Variants in NELL2 observed in about 807,000 individuals in gnomAD.
NELL2 encodes the protein neural EGFL like 2.
In NELL2, 41 loss-of-function variants were observed where a neutral mutation model predicts 109.6. The ratio of observed to expected loss-of-function variants is 0.37; its 90% CI spans 0.29 to 0.49. The LOEUF (loss-of-function observed/expected upper bound fraction) is 0.49, where lower values mean the gene tolerates loss of function less well. Ranked by LOEUF, NELL2 falls within the 20% of genes least tolerant of loss-of-function variation. The probability of loss-of-function intolerance (pLI) is 0.98; values close to 1 mark genes in which losing one functional copy is unlikely to be tolerated. For missense variants in NELL2, 900 were observed against 1,008.3 expected (o/e 0.89, Z 1.45); for synonymous variants, 355 against 344.7 (o/e 1.03, Z -0.33).
At chr12:44,791,628 G>C (rs1436521363) in intron 3 of NELL2, among the ~76,000 whole-genome samples, 1 of 139,424 alleles carries the variant, frequency 7.2e-6, no homozygotes, top group Non-Finnish European at 1.5e-5. Flanking sequence ...ATGGAGTTTT[G>C]AAAAACAAAA....
intron 2 of NELL2, among the ~76,000 whole-genome samples, chr12:44,820,183 G>A (rs1197414484): frequency 1.3e-5 from 2 of 152,070 alleles, no homozygotes; most frequent in African/African-American, 2.4e-5. Flanking sequence ...ATATTTAAAC[G>A]TATTGTTCCC....
intron 1 of NELL2, among the ~76,000 whole-genome samples, chr12:44,890,806 C>T (rs1052848721): frequency 6.6e-6 from 1 of 152,068 alleles, no homozygotes; most frequent in Non-Finnish European, 1.5e-5. Flanking sequence ...TCTTGGCTCA[C>T]CGCAATCTCC....
rs753441422 is a variant in NELL2 at position 44,711,363 on chromosome 12, C to T, written c.1118G>A (p.Gly373Asp). 2 of 1,612,464 alleles carry T rather than the reference C, an allele frequency of 1.2e-6. No homozygotes were observed. The highest frequency in any genetic ancestry group is 1.1e-5 in the South Asian group (1 of 91,056). The stretch of plus-strand genomic sequence containing the variant: ...CTCTGGACAATCCAAAGCTGGACAG[C>T]CTGAACTCTCAACAAGTTTCATGGT... ...DQTMKLVESS[G>D]CPALDCPESH... The change falls in exon 11 of 20, where the codon GGC (glycine) becomes GAC (aspartate). Residue 373 changes from glycine to aspartate, a missense_variant. Physicochemically the swap from Gly to Asp is moderately conservative, Grantham distance 94. Coordinates refer to ENST00000429094, the MANE Select transcript of NELL2 (RefSeq NM_001145108.2).
intron 12 of NELL2, among the ~76,000 whole-genome samples, 181 bp from the exon 13 acceptor site, chr12:44,665,790 T>C (rs1042280386): frequency 2.0e-5 from 3 of 152,242 alleles, no homozygotes; most frequent in Non-Finnish European, 4.4e-5. Flanking sequence ...TGAGTTTTTT[T>C]CCAACAGCTC....
In NELL2 at chr12:44,810,584, GGAATAATTA is replaced by G. The variant is rs543222109; in HGVS notation, c.335+5393_335+5401del. Among the ~76,000 whole-genome samples, 56 of 152,180 alleles carry G rather than the reference GGAATAATTA, an allele frequency of 3.7e-4. 1 individual carries two copies. The East Asian group carries it at 0.01, about 27-fold the overall frequency. On this transcript the variant is annotated intron_variant, in intron 3 of 19. Coordinates refer to ENST00000429094, the MANE Select transcript of NELL2 (RefSeq NM_001145108.2). The stretch of plus-strand genomic sequence containing the variant: ...TTTTGTAGCATCTGCTGATTTCCAT[GGAATAATTA>G]CTCATACCATGGCCTATTTCAAGCT...
chr12:44,559,350 G>A (rs1220542400), intron 15 of NELL2, among the ~76,000 whole-genome samples: 1 of 152,116 alleles, frequency 6.6e-6, no homozygotes, highest in African/African-American at 2.4e-5. Context: ...AATGTAAATA[G>A]GTTAAATGCC....
intron 15 of NELL2, among the ~76,000 whole-genome samples, chr12:44,587,775 T>C (rs1944579970): frequency 6.6e-6 from 1 of 152,206 alleles, no homozygotes; most frequent in Admixed American, 6.5e-5. Context: ...CCTTAGCTTT[T>C]GTGCACCTCA....
At chr12:44,569,411 G>A (rs962003084) in intron 15 of NELL2, among the ~76,000 whole-genome samples, 7 of 152,082 alleles carry the variant, frequency 4.6e-5, no homozygotes, top group African/African-American at 1.7e-4. Context: ...TAATGAGATT[G>A]CTGGGTCAAA....
chr12:44,666,230 C>A (rs557970085), intron 12 of NELL2, among the ~76,000 whole-genome samples: 51 of 152,158 alleles, frequency 3.4e-4, no homozygotes, highest in Non-Finnish European at 6.0e-4. Context: ...TGGTAATTCA[C>A]ACACTGAGTT....
rs190877036 is a variant in NELL2, at chr12:44,630,990, A to C, written c.1445-20020T>G. On this transcript the variant is annotated intron_variant, in intron 13 of 19. Transcript: ENST00000429094. ...TCTTCTTCTAGTTTACCCAAATTCTATCTCTCCTGAAATGTACTCTACATT... is the reference window on the plus strand; with the variant it reads ...TCTTCTTCTAGTTTACCCAAATTCTCTCTCTCCTGAAATGTACTCTACATT... Among the ~76,000 whole-genome samples the C allele has an allele frequency of 2.6e-3, 400 of 152,008 alleles. 3 individuals are homozygous for C. The highest frequency in any genetic ancestry group is 8.7e-3 in the African/African-American group (361 of 41,462).
chr12:44,729,546 G>A (rs1939254666), intron 9 of NELL2, among the ~76,000 whole-genome samples: 1 of 136,668 alleles, frequency 7.3e-6, no homozygotes, highest in South Asian at 2.4e-4. Flanking sequence ...TCAAAAGACA[G>A]AGAACAGCTG....
chr12:44,743,479 A>G (rs550254589), intron 9 of NELL2, among the ~76,000 whole-genome samples: 4 of 148,152 alleles, frequency 2.7e-5, no homozygotes, highest in South Asian at 2.2e-4. Flanking sequence ...AATGGGCTAA[A>G]TGCCCCAATT....
intron 2 of NELL2, among the ~76,000 whole-genome samples, chr12:44,825,639 G>C (rs565736903): frequency 6.7e-6 from 1 of 149,756 alleles, no homozygotes. Flanking sequence ...CAGGTGATCC[G>C]ACTGCCTCGG....
chr12:44,778,309 T>C (rs1941827373), intron 5 of NELL2, among the ~76,000 whole-genome samples: 1 of 152,176 alleles, frequency 6.6e-6, no homozygotes, highest in African/African-American at 2.4e-5. Flanking sequence ...GATAAATATT[T>C]AAGTATTTTT....
chr12:44,756,566 C>T (rs2136538893), intron 9 of NELL2, among the ~76,000 whole-genome samples: 1 of 152,188 alleles, frequency 6.6e-6, no homozygotes, highest in South Asian at 2.1e-4. Context: ...ACCAAAAATG[C>T]TTTAAAAAAG....
Position 44,913,827 on chromosome 12 carries a change from T to A in NELL2, c.10A>T (p.Arg4Ter), listed in dbSNP as rs887190509. The A allele has an allele frequency of 2.5e-6, 2 of 806,744 alleles. No homozygotes were observed. The highest frequency in any genetic ancestry group is 3.8e-6 in the Non-Finnish European group (2 of 529,276). 50.0% of individuals were successfully genotyped at this position (806,744 alleles called of 1,614,324 possible). The stretch of plus-strand genomic sequence containing the variant: ...TTGAGGATTAAAATGAGAAGTCTTC[T>A]TATAGACATTTTATAATAATAATGT... Residue 4 changes from arginine (R) to a stop codon, truncating the protein, a stop_gained, in exon 1 of 21, where the codon AGA becomes TGA. Coordinates refer to the NELL2 transcript ENST00000333837. LOFTEE classifies it high-confidence loss of function.
At chr12:44,722,261 C>T (rs1292628127) in intron 9 of NELL2, among the ~76,000 whole-genome samples, 1 of 152,050 alleles carries the variant, frequency 6.6e-6, no homozygotes, top group African/African-American at 2.4e-5. Context: ...CCTCAACCTC[C>T]CGGGCTCAAG....
chr12:44,605,077 A>G (rs1945348268), intron 15 of NELL2, among the ~76,000 whole-genome samples: 1 of 152,112 alleles, frequency 6.6e-6, no homozygotes, highest in Non-Finnish European at 1.5e-5. Flanking sequence ...GAGGATGGTA[A>G]CTGGTGAGGC....
intron 2 of NELL2, among the ~76,000 whole-genome samples, chr12:44,873,896 TA>T (rs1466736764): frequency 6.6e-6 from 1 of 152,144 alleles, no homozygotes; most frequent in Non-Finnish European, 1.5e-5. Flanking sequence ...AAAAGACCCT[TA>T]AGTGAATAAA....
Sources: allele counts gnomAD v4.1 joint callset (sites outside exome capture counted in the v4.1 genomes callset), GRCh38; gene constraint gnomAD v4.1.1; transcripts MANE v1.5; gene names NCBI Gene and HGNC (gene_info 2026-07-23, HGNC 2026-07-21).